The following ADGRG3 variants were observed in gnomAD, a reference collection of about 807,000 sequenced individuals.
ADGRG3 encodes the protein G protein-coupled receptor 97.
ADGRG3 carries 39 observed loss-of-function variants against 54.3 expected under a neutral mutation model. The observed-to-expected ratio is 0.72, with a 90% CI of 0.56 to 0.94. The LOEUF (loss-of-function observed/expected upper bound fraction) is 0.94. Ranked by LOEUF, ADGRG3 falls within the 40% of genes least tolerant of loss-of-function variation. ADGRG3 has a pLI of 0.00. For synonymous variants in ADGRG3, 312 were observed against 290.0 expected (o/e 1.08, Z -0.77); for missense variants, 654 against 694.6 (o/e 0.94, Z 0.66).
chr16:57,680,354 G>T lies in ADGRG3; in HGVS notation c.757G>T (p.Ala253Ser). 6 of 1,612,214 alleles carry T rather than the reference G, an allele frequency of 3.7e-6. No individual in the cohort carries two copies. The highest frequency in any genetic ancestry group is 1.1e-5 in the South Asian group (1 of 90,982). Residue 253 changes from alanine (A) to serine (S), a missense_variant, in exon 7 of 12, where the codon GCC becomes TCC. Physicochemically the swap from Ala to Ser is moderately conservative, Grantham distance 99. Coordinates refer to ENST00000333493, the MANE Select transcript of ADGRG3 (RefSeq NM_170776.5). ...VCCCDHLTFF[A>S]LLLRPTLDQS... Reference sequence around the variant, plus strand: ...CTGCTGTGACCACCTGACCTTTTTCGCCCTGCTCCTGGTAACAGCCCCCTC... The same window carrying T: ...CTGCTGTGACCACCTGACCTTTTTCTCCCTGCTCCTGGTAACAGCCCCCTC...
At chr16:57,687,840 T>C (rs2048503147) in intron 11 of ADGRG3, among the ~76,000 whole-genome samples, 1 of 152,262 alleles carries the variant, frequency 6.6e-6, no homozygotes, top group Admixed American at 6.5e-5. Context: ...TTATTCTGTA[T>C]TTCTCTCTTC....
intron 1 of ADGRG3, among the ~76,000 whole-genome samples, chr16:57,671,433 C>T (rs1176015392): frequency 1.3e-5 from 2 of 150,036 alleles, no homozygotes; most frequent in Admixed American, 6.7e-5. Flanking sequence ...CTCCGCCTCC[C>T]GGGTTGAAGC....
intron 1 of ADGRG3, among the ~76,000 whole-genome samples, chr16:57,671,823 G>A (rs774303981): frequency 3.2e-4 from 49 of 152,160 alleles, no homozygotes; most frequent in Non-Finnish European, 6.5e-4. Context: ...GAATGGAATA[G>A]TTTGCAACTA....
At chr16:57,679,753 C>A in intron 5 of ADGRG3, 63 bp from the exon 6 acceptor site, 1 of 1,333,936 alleles carries the variant, frequency 7.5e-7, no homozygotes, top group Non-Finnish European at 1.1e-6. Context: ...CGTCCTCCCG[C>A]TTCCCCTGCC....
chr16:57,673,487 C>T lies in ADGRG3; in HGVS notation c.206+19C>T, dbSNP rs1481786491. ...TGCAGAGGTGAGGGGGCCCCCTGAG[C>T]TGGAGGGGGAATCTGAAGCTGCTGG... On this transcript the variant is annotated intron_variant, in intron 2 of 11. Transcript: ENST00000333493. 1 of 1,587,250 alleles carries T rather than the reference C, an allele frequency of 6.3e-7. No homozygotes were observed. The highest frequency in any genetic ancestry group is 1.1e-5 in the South Asian group (1 of 90,158).
intron 1 of ADGRG3, among the ~76,000 whole-genome samples, chr16:57,670,707 A>G (rs2048140222): frequency 6.6e-6 from 1 of 152,244 alleles, no homozygotes; most frequent in South Asian, 2.1e-4. Context: ...TTTATAAACT[A>G]TCTAAAACGA....
At chr16:57,673,950 G>T (rs920176616) in intron 2 of ADGRG3, among the ~76,000 whole-genome samples, 1 of 152,186 alleles carries the variant, frequency 6.6e-6, no homozygotes, top group Admixed American at 6.5e-5. Flanking sequence ...AATGTAAACC[G>T]CGTGGGGATG....
chr16:57,668,264 G>T, upstream of ADGRG3: 1 of 1,136,264 alleles, frequency 8.8e-7, no homozygotes, highest in Non-Finnish European at 1.3e-6. Context: ...GGGCTGCAGG[G>T]TGGGGGCAGG....
chr16:57,687,181 G>T (rs185697097), intron 11 of ADGRG3, among the ~76,000 whole-genome samples: 167 of 152,172 alleles, frequency 1.1e-3, no homozygotes, highest in African/African-American at 3.9e-3. Context: ...CCCTGACCCA[G>T]CAAGTCACTC....
intron 2 of ADGRG3, 63 bp downstream of exon 2, chr16:57,673,531 G>T: frequency 6.8e-7 from 1 of 1,477,850 alleles, no homozygotes; most frequent in South Asian, 1.2e-5. Flanking sequence ...CTATCAGGAA[G>T]GGATGGGGCC....
At chr16:57,668,926 C>T (rs1425393995) in intron 1 of ADGRG3, among the ~76,000 whole-genome samples, 3 of 152,216 alleles carry the variant, frequency 2.0e-5, no homozygotes, top group African/African-American at 7.2e-5. Flanking sequence ...TGGCCTGAGC[C>T]AGGATCCACA....
upstream of ADGRG3, among the ~76,000 whole-genome samples, chr16:57,667,398 T>G (rs1181684259): frequency 6.6e-6 from 1 of 152,254 alleles, no homozygotes; most frequent in African/African-American, 2.4e-5. Context: ...TTGGCCCGAG[T>G]GGCTGGCGCC....
At chr16:57,685,953 T>TG in intron 11 of ADGRG3, 27 bp downstream of exon 11, 1 of 1,607,894 alleles carries the variant, frequency 6.2e-7, no homozygotes, top group Non-Finnish European at 8.5e-7. Context: ...AGGGAGGTGA[T>TG]GGGCTGTGTT....
chr16:57,673,586 T>C (rs2048202074), intron 2 of ADGRG3, 118 bp downstream of exon 2: 3 of 954,494 alleles, frequency 3.1e-6, no homozygotes, highest in African/African-American at 1.6e-5. Context: ...ATCTGACTCT[T>C]CCACCTTGTT....
chr16:57,684,274 C>T (rs2048430333), intron 9 of ADGRG3, 62 bp downstream of exon 9: 2 of 1,583,114 alleles, frequency 1.3e-6, no homozygotes, highest in African/African-American at 1.3e-5. Context: ...GGGAAATAGC[C>T]TTGGGGAGAG....
At chr16:57,670,301 A>G (rs149701414) in intron 1 of ADGRG3, among the ~76,000 whole-genome samples, 128 of 152,294 alleles carry the variant, frequency 8.4e-4, no homozygotes, top group African/African-American at 2.9e-3. Context: ...TCAAAGAATA[A>G]ACACAGAAAA....
chr16:57,686,790 T>C (rs929858972), intron 11 of ADGRG3: 1 of 152,240 alleles, frequency 6.6e-6, no homozygotes, highest in African/African-American at 2.4e-5. Context: ...TGATATGATG[T>C]CCACATGACA....
At chr16:57,667,708 G>A (rs1004401109), upstream of ADGRG3, among the ~76,000 whole-genome samples, 7 of 152,150 alleles carry the variant, frequency 4.6e-5, no homozygotes, top group East Asian at 1.9e-4. Context: ...CTCTGGGTCC[G>A]TCCTGTTATC....
upstream of ADGRG3, among the ~76,000 whole-genome samples, chr16:57,666,792 G>A (rs2048068362): frequency 6.6e-6 from 1 of 152,180 alleles, no homozygotes; most frequent in African/African-American, 2.4e-5. Flanking sequence ...CCACTTCCCA[G>A]GTGGGCTGGC....
Sources: gnomAD v4.1 joint callset for allele counts (sites outside exome capture counted in the v4.1 genomes callset) on GRCh38, gnomAD v4.1.1 for gene constraint, MANE v1.5 for transcripts, NCBI Gene and HGNC (gene_info 2026-07-23, HGNC 2026-07-21) for gene names.